The following LOC400499 variants were observed in gnomAD, a reference collection of about 807,000 sequenced individuals.
the LOC400499 span, among the ~76,000 whole-genome samples, chr16:11,493,285 G>A: frequency 1.8e-4 from 28 of 152,320 alleles, no homozygotes; most frequent in African/African-American, 6.7e-4. Flanking sequence ...GGTGGAGCAG[G>A]AAAGCAGCCA....
the LOC400499 span, among the ~76,000 whole-genome samples, chr16:11,484,195 G>A: frequency 6.6e-6 from 1 of 151,778 alleles, no homozygotes; most frequent in Non-Finnish European, 1.5e-5. Context: ...TCTTAGTAGA[G>A]ACAGGGTTTC....
the LOC400499 span, among the ~76,000 whole-genome samples, chr16:11,463,226 G>C: frequency 1.3e-5 from 2 of 151,820 alleles, no homozygotes; most frequent in African/African-American, 4.8e-5. Flanking sequence ...TATCATCTTT[G>C]ATGGCCCCGC....
the LOC400499 span, chr16:11,384,352 G>A: frequency 4.6e-4 from 547 of 1,191,232 alleles, 1 homozygote; most frequent in African/African-American, 5.9e-3. Flanking sequence ...AGCGGAGGCC[G>A]GCCGTAAGAC....
At chr16:11,439,919 A>G in the LOC400499 span, among the ~76,000 whole-genome samples, 1 of 151,722 alleles carries the variant, frequency 6.6e-6, no homozygotes, top group African/African-American at 2.4e-5. Flanking sequence ...CACAATGACC[A>G]CCTCATTTAA....
chr16:11,459,816 G>A, the LOC400499 span: 13 of 1,228,558 alleles, frequency 1.1e-5, no homozygotes, highest in Non-Finnish European at 1.3e-5. Flanking sequence ...CAGGGCCAGA[G>A]GGCCATGTGG....
the LOC400499 span, among the ~76,000 whole-genome samples, chr16:11,510,136 C>T: frequency 1.3e-5 from 2 of 151,654 alleles, no homozygotes; most frequent in African/African-American, 2.4e-5. Flanking sequence ...CCCTGAGCCC[C>T]GCTTGGACCC....
chr16:11,521,462 C>G, the LOC400499 span, among the ~76,000 whole-genome samples: 1 of 152,190 alleles, frequency 6.6e-6, no homozygotes, highest in Non-Finnish European at 1.5e-5. Flanking sequence ...CCAGGACTAA[C>G]ACCACTGGAC....
At chr16:11,383,109 A>C in the LOC400499 span, among the ~76,000 whole-genome samples, 2 of 149,916 alleles carry the variant, frequency 1.3e-5, no homozygotes, top group East Asian at 2.0e-4. Context: ...TCTGTTGCCC[A>C]GGCTAGAGTG....
At chr16:11,477,883 G>A in the LOC400499 span, 1 of 399,024 alleles carries the variant, frequency 2.5e-6, no homozygotes, top group Non-Finnish European at 4.4e-6. Context: ...TGGTTCCTCG[G>A]ACCCGGATGC....
chr16:11,459,865 G>A, the LOC400499 span: 1,934 of 1,335,874 alleles, frequency 1.4e-3, 27 homozygotes, highest in African/African-American at 0.025. Context: ...GGACTCATGG[G>A]GCACGGCTCT....
chr16:11,398,510 C>T, the LOC400499 span: 1 of 1,232,218 alleles, frequency 8.1e-7, no homozygotes, highest in Non-Finnish European at 1.0e-6. Context: ...GCCAATGCCT[C>T]TGGAATGAGA....
the LOC400499 span, among the ~76,000 whole-genome samples, chr16:11,447,122 G>C: frequency 7.2e-5 from 11 of 152,192 alleles, no homozygotes; most frequent in Non-Finnish European, 1.5e-4. Context: ...CAGAGAAGTG[G>C]GCATGGCTGG....
chr16:11,490,560 G>C, the LOC400499 span, among the ~76,000 whole-genome samples: 2 of 152,094 alleles, frequency 1.3e-5, no homozygotes, highest in Non-Finnish European at 2.9e-5. Context: ...AATTAGCTGG[G>C]CGAGGTGGTG....
chr16:11,378,270 G>A, the LOC400499 span, among the ~76,000 whole-genome samples: 2 of 57,728 alleles, frequency 3.5e-5, no homozygotes, highest in Non-Finnish European at 9.5e-5. Context: ...TTTTTTTGCC[G>A]GGGGGAGGGG....
chr16:11,387,722 G>A, the LOC400499 span, among the ~76,000 whole-genome samples: 3 of 152,028 alleles, frequency 2.0e-5, no homozygotes, highest in African/African-American at 7.2e-5. Flanking sequence ...CTGCCTCCCG[G>A]GTTTGTTTCT....
the LOC400499 span, among the ~76,000 whole-genome samples, chr16:11,463,009 G>A: frequency 6.6e-6 from 1 of 152,148 alleles, no homozygotes; most frequent in Non-Finnish European, 1.5e-5. Flanking sequence ...ACGGCAACCA[G>A]ACACGTCGAA....
At chr16:11,446,436 G>C in the LOC400499 span, 2 of 947,690 alleles carry the variant, frequency 2.1e-6, no homozygotes, top group Non-Finnish European at 1.6e-6. Flanking sequence ...AAGATTACAG[G>C]TGTGAGCCAC....
chr16:11,514,005 T>C, the LOC400499 span, among the ~76,000 whole-genome samples: 44 of 152,304 alleles, frequency 2.9e-4, no homozygotes, highest in South Asian at 1.7e-3. Flanking sequence ...GGGAATGCTA[T>C]GTGTTAGCAG....
chr16:11,374,630 G>T, the LOC400499 span, among the ~76,000 whole-genome samples: 1 of 152,218 alleles, frequency 6.6e-6, no homozygotes, highest in East Asian at 1.9e-4. Context: ...TGTCCTCAAG[G>T]GTCATCCATG....
Sources: allele counts gnomAD v4.1 joint callset (sites outside exome capture counted in the v4.1 genomes callset), GRCh38; gene constraint gnomAD v4.1.1; transcripts MANE v1.5.